Variants in SPAG5 observed in about 807,000 individuals in gnomAD.
SPAG5 encodes sperm associated antigen 5, also known as sperm-associated antigen 5.
A neutral mutation model predicts 145.4 loss-of-function variants in SPAG5; 99 were observed. That is an observed-to-expected ratio of 0.68 (90% CI 0.58 to 0.80). SPAG5 has a LOEUF of 0.80. Among genes scored for constraint, SPAG5 ranks in the 30% least tolerant of loss-of-function variants. The pLI is 0.00. For missense variants in SPAG5, 1,192 were observed against 1,416.0 expected (o/e 0.84, Z 2.54); for synonymous variants, 477 against 525.4 (o/e 0.91, Z 1.26).
At position 28,592,647 on chromosome 17, in the gene SPAG5, G is replaced by A. The variant is rs763202639; in HGVS notation, c.597C>T (p.Ser199=). 6.2e-7 allele frequency: 1 copy of A among 1,614,110 alleles called. No homozygotes were observed. The highest frequency in any genetic ancestry group is 8.5e-7 in the Non-Finnish European group (1 of 1,180,018). The part of the protein sequence containing the change: ...SEKPIFQESP[S]HLLEESPPNP... ...TTGGTGGAGACTCCTCTAAGAGATG[G>A]GACGGAGATTCCTGAAAGATAGGTT... Residue 199 remains serine, a synonymous_variant, in exon 3 of 24, where the codon TCC becomes TCT. Transcript: ENST00000321765.
intron 4 of SPAG5, among the ~76,000 whole-genome samples, chr17:28,587,203 C>T (rs1379136195): frequency 1.3e-5 from 2 of 149,852 alleles, no homozygotes; most frequent in South Asian, 2.1e-4. Context: ...CACTTGGGTC[C>T]GGGAGTTCAA....
At position 28,587,264 on chromosome 17, in the gene SPAG5, A is replaced by G. The variant is rs2070591120; in HGVS notation, c.1438-765T>C. ...CCCCATCTCTAAAAAAAAAAAAAAA[A>G]GGCTGGGCGCGGTGGCGCACACCTG... On this transcript the variant is annotated intron_variant, in intron 4 of 23. Transcript: ENST00000321765. 4.7e-5 allele frequency among the ~76,000 whole-genome samples: 7 copies of G among 148,038 alleles called. No individual in the cohort carries two copies. In the South Asian group the frequency reaches 1.5e-3, roughly 32 times the overall value.
In SPAG5 at chr17:28,585,533, C is replaced by A; in HGVS notation, c.1860+1G>T. 1 of 1,614,024 alleles carries A rather than the reference C, an allele frequency of 6.2e-7. No homozygotes were observed. The highest frequency in any genetic ancestry group is 8.5e-7 in the Non-Finnish European group (1 of 1,180,032). ...CAGGAAAGAAAATGCCCTTAAATTA[C>A]CAGTTGGGTCTGGGCATCCTTCAGA... On this transcript the variant is annotated splice_donor_variant, in intron 8 of 23. Transcript: ENST00000321765. LOFTEE classifies it high-confidence loss of function.
chr17:28,584,779 C>T, intron 10 of SPAG5, 34 bp from the exon 11 acceptor site: 1 of 1,470,270 alleles, frequency 6.8e-7, no homozygotes, highest in South Asian at 1.1e-5. Context: ...TCCTATAGTT[C>T]CTCCTGAATC....
chr17:28,578,078 C>G lies in SPAG5; in HGVS notation c.3442G>C (p.Glu1148Gln), dbSNP rs146577201. The stretch of plus-strand genomic sequence containing the variant: ...TTGTCAGAGCGCCGAAGGTTCTCCT[C>G]TAGGATATTTCTCTAGAAAGCAAAC... ...IKFQSHRNIL[E>Q]ENLRRSDKEL... The change falls in exon 23 of 24, where the codon GAG becomes CAG. Residue 1148 changes from glutamate (E) to glutamine (Q), a missense_variant. Glu to Gln is a conservative substitution (Grantham distance 29). Transcript: ENST00000321765. 1.2e-6 allele frequency: 2 copies of G among 1,613,974 alleles called. No individual in the cohort carries two copies. Among genetic ancestry groups the G allele is most frequent in the Non-Finnish European group, 1.7e-6 (2 of 1,179,952 alleles).
Position 28,584,266 on chromosome 17 carries a change from C to G in SPAG5, c.2310-14G>C. On this transcript the variant is annotated splice_polypyrimidine_tract_variant and intron_variant, in intron 12 of 23. Coordinates refer to ENST00000321765, the MANE Select transcript of SPAG5 (RefSeq NM_006461.4). ...TCCTTTTGCCATCTGCCAGAGACAA[C>G]ATATTAGATCCCATTTGGTCCTAAA... The G allele has an allele frequency of 1.2e-6, 2 of 1,613,870 alleles. No homozygotes were observed. Among genetic ancestry groups the G allele is most frequent in the Non-Finnish European group, 1.7e-6 (2 of 1,180,004 alleles).
intron 4 of SPAG5, among the ~76,000 whole-genome samples, chr17:28,591,100 A>G (rs889519540): frequency 6.6e-6 from 1 of 152,190 alleles, no homozygotes; most frequent in African/African-American, 2.4e-5. Flanking sequence ...AGGCTTATTC[A>G]TAATTTTTCT....
At chr17:28,587,804 C>A (rs778940163) in intron 4 of SPAG5, among the ~76,000 whole-genome samples, 2 of 149,464 alleles carry the variant, frequency 1.3e-5, no homozygotes, top group Non-Finnish European at 1.5e-5. Context: ...CTATTTTATT[C>A]TTTGCTATTG....
At chr17:28,591,612 G>T in intron 4 of SPAG5, 86 bp downstream of exon 4, 1 of 1,234,004 alleles carries the variant, frequency 8.1e-7, no homozygotes, top group Non-Finnish European at 1.1e-6. Flanking sequence ...TGTGATAGGA[G>T]TCCCCTTTGC....
At chr17:28,595,126 C>T (rs1369382718) in intron 2 of SPAG5, among the ~76,000 whole-genome samples, 16 of 151,872 alleles carry the variant, frequency 1.1e-4, no homozygotes, top group East Asian at 3.9e-4. Context: ...GGCATGGTGG[C>T]GGGTGCCTGT....
chr17:28,586,614 C>T lies in SPAG5; in HGVS notation c.1438-115G>A, dbSNP rs113108598. ...TGGCACAATCTCAGCTCACTGCAAC[C>T]TCCACCTCCCAGGTTCAAGCAATTC... is the stretch of plus-strand genomic sequence containing the variant. On this transcript the variant is annotated intron_variant, in intron 4 of 23. Coordinates refer to ENST00000321765, the MANE Select transcript of SPAG5 (RefSeq NM_006461.4). 46 of 772,878 alleles carry T rather than the reference C, an allele frequency of 6.0e-5. No homozygotes were observed. The Middle Eastern group carries it at 1.7e-3, about 29-fold the overall frequency. The allele number at this position is 772,878 out of a possible 1,614,324, so 47.9% of individuals were successfully genotyped here.
chr17:28,583,494 G>T lies in SPAG5; in HGVS notation c.2685+17C>A, dbSNP rs752050017. ...AGATACAATTGGAAGAGAAGAGAAG[G>T]AACCCCAGGATCCTACCTTCTCCTT... On this transcript the variant is annotated intron_variant, in intron 15 of 23. Coordinates refer to ENST00000321765, the MANE Select transcript of SPAG5 (RefSeq NM_006461.4). 8.5e-6 allele frequency: 13 copies of T among 1,536,794 alleles called. No homozygotes were observed. The Middle Eastern group carries it at 5.2e-4, about 62-fold the overall frequency.
At chr17:28,590,490 A>G (rs375572571) in intron 4 of SPAG5, among the ~76,000 whole-genome samples, 73 of 152,148 alleles carry the variant, frequency 4.8e-4, no homozygotes, top group Non-Finnish European at 9.3e-4. Context: ...TCACCCTCCC[A>G]AAGTACTGAG....
Position 28,581,291 on chromosome 17 carries a change from T to G in SPAG5, c.2686-1171A>C, listed in dbSNP as rs181300424. 6.2e-3 allele frequency among the ~76,000 whole-genome samples: 941 copies of G among 152,326 alleles called. 6 individuals carry two copies. The highest frequency in any genetic ancestry group is 0.01 in the Non-Finnish European group (684 of 68,034). On this transcript the variant is annotated intron_variant, in intron 15 of 23. Transcript: ENST00000321765. ...AGGAAAAGCTTGCTGGCCTCAGTCC[T>G]GAAGTAGCTGTGCTTGTGGCTGCGG...
At chr17:28,587,717 CAAAAAAAA>C (rs765826333) in intron 4 of SPAG5, among the ~76,000 whole-genome samples, 1 of 48,874 alleles carries the variant, frequency 2.0e-5, no homozygotes, top group Non-Finnish European at 4.1e-5. Context: ...GACCTCGTCT[CAAAAAAAA>C]AAAAAAAAAA....
Position 28,584,420 on chromosome 17 carries a change from C to T in SPAG5, c.2222G>A (p.Ser741Asn), listed in dbSNP as rs528434935. The change falls in exon 12 of 24, where the codon AGT (serine) becomes AAT (asparagine). Residue 741 changes from serine to asparagine, a missense_variant. Physicochemically the swap from Ser to Asn is conservative, Grantham distance 46 (BLOSUM62 1). This residue lies in a region of SPAG5 where 709 missense variants were observed against 840.7 expected (regional missense o/e 0.84). Transcript: ENST00000321765. ...GTCCTGGGCACAATGGGTATGCTGA[C>T]TCTGTAGCTCTTTTAGCTGGCTGTC... ...NMDSQLKELQ[S>N]QHTHCAQDLA... 4 of 1,614,174 alleles carry T rather than the reference C, an allele frequency of 2.5e-6. No individual in the cohort carries two copies. Among genetic ancestry groups the T allele is most frequent in the African/African-American group, 1.3e-5 (1 of 75,054 alleles).
At chr17:28,598,369 G>T in intron 2 of SPAG5, 141 bp downstream of exon 2, 1 of 1,030,056 alleles carries the variant, frequency 9.7e-7, no homozygotes, top group Non-Finnish European at 1.4e-6. Flanking sequence ...CTCTCTGTTG[G>T]CCTGAATAGC....
At chr17:28,598,089 A>G (rs922361097) in intron 2 of SPAG5, among the ~76,000 whole-genome samples, 30 of 152,238 alleles carry the variant, frequency 2.0e-4, no homozygotes, top group African/African-American at 7.0e-4. Flanking sequence ...AGTTTAAACT[A>G]AGGTGATTCA....
At chr17:28,589,623 T>C (rs1293166723) in intron 4 of SPAG5, among the ~76,000 whole-genome samples, 4 of 152,054 alleles carry the variant, frequency 2.6e-5, no homozygotes, top group African/African-American at 9.7e-5. Context: ...TTAAAGTATG[T>C]TATTAGCTGG....
Sources: gnomAD v4.1 joint callset for allele counts (sites outside exome capture counted in the v4.1 genomes callset) on GRCh38, gnomAD v4.1.1 for gene constraint, gnomAD v4.1.1 regional missense constraint, MANE v1.5 for transcripts, NCBI Gene and HGNC (gene_info 2026-07-23, HGNC 2026-07-21) for gene names.